Variants in HSPA12A observed in about 807,000 individuals in gnomAD.
The protein encoded by HSPA12A is heat shock 70 kDa protein 12A.
HSPA12A carries 28 observed loss-of-function variants against 69.2 expected under a neutral mutation model. That is an observed-to-expected ratio of 0.40 (90% CI 0.30 to 0.55). The LOEUF is 0.55. Ranked by LOEUF, HSPA12A falls within the 20% of genes least tolerant of loss-of-function variation. HSPA12A has a pLI of 0.38. For synonymous variants in HSPA12A, 345 were observed against 370.5 expected (o/e 0.93, Z 0.79); for missense variants, 686 against 900.7 (o/e 0.76, Z 3.05).
intron 1 of HSPA12A, among the ~76,000 whole-genome samples, chr10:116,739,761 T>C (rs1422842919): frequency 1.3e-5 from 2 of 152,178 alleles, no homozygotes; most frequent in Non-Finnish European, 2.9e-5. Flanking sequence ...TTAAACATCT[T>C]ATTAAGAAAA....
intron 1 of HSPA12A, among the ~76,000 whole-genome samples, chr10:116,838,041 G>T (rs1017547829): frequency 6.6e-6 from 1 of 151,962 alleles, no homozygotes; most frequent in Non-Finnish European, 1.5e-5. Flanking sequence ...GTTCTGCCTG[G>T]CTCTGAGTCC....
chr10:116,740,349 G>A (rs1188040784), intron 1 of HSPA12A, among the ~76,000 whole-genome samples: 1 of 152,108 alleles, frequency 6.6e-6, no homozygotes, highest in Non-Finnish European at 1.5e-5. Flanking sequence ...TAAGTGTAGG[G>A]GCCAGGGGCA....
chr10:116,690,068 A>T (rs1564779282), intron 6 of HSPA12A, among the ~76,000 whole-genome samples: 1 of 152,216 alleles, frequency 6.6e-6, no homozygotes, highest in Non-Finnish European at 1.5e-5. Context: ...TCACAGGTAC[A>T]TATCTTTCTT....
Position 116,675,487 on chromosome 10 carries a change from C to G in HSPA12A, c.1391-69G>C. 6.8e-7 allele frequency: 1 copy of G among 1,470,712 alleles called. No homozygotes were observed. The allele number at this position is 1,470,712 out of a possible 1,614,324, so 91.1% of individuals were successfully genotyped here. A position where few individuals can be genotyped will look rare whatever the true frequency, so the allele number is the denominator to read the frequency against. On this transcript the variant is annotated intron_variant, in intron 11 of 11. Transcript: ENST00000369209. This position sits in a 1 kb window ranked among gnomAD's most constrained non-coding sequence, Gnocchi z 5.2. ...AGCAAGGAAGGGGGAACTGGGCTGCCTGCATCTGTGGGGAACGGATAAAGC... is the reference window on the plus strand; with the variant it reads ...AGCAAGGAAGGGGGAACTGGGCTGCGTGCATCTGTGGGGAACGGATAAAGC...
At chr10:116,757,410 G>A (rs1554888877) in intron 2 of HSPA12A, among the ~76,000 whole-genome samples, 2 of 152,164 alleles carry the variant, frequency 1.3e-5, no homozygotes, top group Non-Finnish European at 1.5e-5. Flanking sequence ...GTAGGGCGAC[G>A]CTGAGTGTAC....
intron 3 of HSPA12A, among the ~76,000 whole-genome samples, chr10:116,701,973 G>C (rs574071295): frequency 1.3e-5 from 2 of 152,254 alleles, no homozygotes; most frequent in South Asian, 4.1e-4. Flanking sequence ...AGGAGCCTCA[G>C]ACCTATCCTG....
At chr10:116,714,554 C>T (rs1475048838) in intron 1 of HSPA12A, among the ~76,000 whole-genome samples, 3 of 152,182 alleles carry the variant, frequency 2.0e-5, no homozygotes, top group African/African-American at 4.8e-5. Context: ...CCTGCCCCCT[C>T]CCCCAGACAC....
intron 8 of HSPA12A, among the ~76,000 whole-genome samples, chr10:116,681,464 A>C (rs1410043226): frequency 6.6e-6 from 1 of 152,196 alleles, no homozygotes; most frequent in Non-Finnish European, 1.5e-5. Flanking sequence ...GACGATGGAG[A>C]ACCCAGGTGA....
intron 2 of HSPA12A, among the ~76,000 whole-genome samples, chr10:116,802,070 G>A (rs1026082624): frequency 6.6e-6 from 1 of 152,190 alleles, no homozygotes; most frequent in African/African-American, 2.4e-5. Context: ...ACGGGCCTTT[G>A]GGAGAACAAG....
intron 2 of HSPA12A, among the ~76,000 whole-genome samples, chr10:116,796,889 C>T (rs1376683218): frequency 6.6e-6 from 1 of 152,030 alleles, no homozygotes; most frequent in Non-Finnish European, 1.5e-5. Flanking sequence ...CTGTCATTTC[C>T]AAACCCTCAC....
At chr10:116,778,796 A>G (rs1554891440) in intron 2 of HSPA12A, among the ~76,000 whole-genome samples, 2 of 152,124 alleles carry the variant, frequency 1.3e-5, no homozygotes, top group East Asian at 3.9e-4. Flanking sequence ...TTAGCTGGGC[A>G]TGGTAGCATG....
chr10:116,785,660 C>G (rs1844559231), intron 2 of HSPA12A, among the ~76,000 whole-genome samples: 1 of 152,104 alleles, frequency 6.6e-6, no homozygotes, highest in Non-Finnish European at 1.5e-5. Context: ...TGTTCATGAT[C>G]CCTCTCTCTT....
At chr10:116,775,072 A>C (rs1384336916) in intron 2 of HSPA12A, among the ~76,000 whole-genome samples, 1 of 152,158 alleles carries the variant, frequency 6.6e-6, no homozygotes, top group African/African-American at 2.4e-5. Context: ...ACTCTTTATT[A>C]GTGTCCTCCC....
At chr10:116,741,029 T>G (rs189390359) in intron 1 of HSPA12A, among the ~76,000 whole-genome samples, 110 of 145,140 alleles carry the variant, frequency 7.6e-4, no homozygotes, top group Non-Finnish European at 1.4e-3. Context: ...CAAAGACAGC[T>G]GCCAGTCCAT....
At chr10:116,706,045 C>T (rs889094599) in intron 2 of HSPA12A, among the ~76,000 whole-genome samples, 1 of 152,030 alleles carries the variant, frequency 6.6e-6, no homozygotes, top group South Asian at 2.1e-4. Context: ...TAGGCACCCG[C>T]CACCACACCC....
intron 2 of HSPA12A, among the ~76,000 whole-genome samples, chr10:116,818,950 C>G (rs888058234): frequency 6.6e-6 from 1 of 151,994 alleles, no homozygotes; most frequent in African/African-American, 2.4e-5. Flanking sequence ...TTGACCTTCT[C>G]TGTTAACCCT....
intron 4 of HSPA12A, among the ~76,000 whole-genome samples, chr10:116,699,806 C>T (rs1850026985): frequency 6.6e-6 from 1 of 152,180 alleles, no homozygotes; most frequent in Non-Finnish European, 1.5e-5. Flanking sequence ...GCATTGAATC[C>T]CATTAGGCAA....
intron 1 of HSPA12A, among the ~76,000 whole-genome samples, chr10:116,846,725 G>T (rs919973429): frequency 6.6e-6 from 1 of 152,158 alleles, no homozygotes. Flanking sequence ...AATATGAAAA[G>T]AAGAAAATAA....
At chr10:116,690,994 G>C (rs985779585) in intron 6 of HSPA12A, among the ~76,000 whole-genome samples, 4 of 152,166 alleles carry the variant, frequency 2.6e-5, no homozygotes, top group African/African-American at 9.7e-5. Context: ...GGGCCCTGCC[G>C]GAAGGCTGAC....
Sources: gnomAD v4.1 joint callset for allele counts (sites outside exome capture counted in the v4.1 genomes callset) on GRCh38, gnomAD v4.1.1 for gene constraint, Gnocchi (gnomAD v3.1) non-coding constraint, MANE v1.5 for transcripts, NCBI Gene and HGNC (gene_info 2026-07-23, HGNC 2026-07-21) for gene names.